Variants in PDXDC1 observed in about 807,000 individuals in gnomAD.
The protein encoded by PDXDC1 is pyridoxal dependent decarboxylase domain containing 1, also known as pyridoxal-dependent decarboxylase domain-containing protein 1.
In PDXDC1, 42 loss-of-function variants were observed where a neutral mutation model predicts 100.1. That is an observed-to-expected ratio of 0.42 (90% CI 0.33 to 0.54). PDXDC1 has a LOEUF of 0.54. PDXDC1 is among the 20% of genes least tolerant of loss of function. The probability of loss-of-function intolerance (pLI) is 0.10; values close to 1 mark genes in which losing one functional copy is unlikely to be tolerated. For synonymous variants in PDXDC1, 260 were observed against 371.7 expected (o/e 0.70, Z 3.46); for missense variants, 636 against 979.2 (o/e 0.65, Z 4.68).
chr16:15,033,395 C>G lies in PDXDC1; in HGVS notation c.1808C>G (p.Ser603Trp). The change falls in exon 19 of 23, where the codon TCG becomes TGG. Residue 603 changes from serine (S) to tryptophan (W), a missense_variant. Around this residue, in one of 4 missense-constraint regions of PDXDC1, gnomAD observed 452 missense variants for 402.9 expected, o/e 1.12. Transcript: ENST00000396410. ...ACAGCCCGGGAGATAGAGGAGAACT[C>G]GAGGGTCCGTAGCACCCATCAGTGT... ...AATAREIEEN[S>W]RLLENMTEVV... The G allele has an allele frequency of 9.3e-6, 15 of 1,614,006 alleles. No individual in the cohort carries two copies. Among genetic ancestry groups the G allele is most frequent in the Non-Finnish European group, 1.3e-5 (15 of 1,179,938 alleles).
chr16:15,006,145 C>T (rs1261683513), intron 5 of PDXDC1, among the ~76,000 whole-genome samples: 2 of 152,286 alleles, frequency 1.3e-5, no homozygotes, highest in Non-Finnish European at 2.9e-5. Flanking sequence ...CTGGTCTCTA[C>T]TTGTTTTCAT....
rs879779047 is a variant in PDXDC1 at position 15,135,568 on chromosome 16, C to A, written c.1400-3311C>A. 1,948 of 1,157,224 alleles carry A rather than the reference C, an allele frequency of 1.7e-3. 4 individuals carry two copies. The highest frequency in any genetic ancestry group is 2.3e-3 in the Non-Finnish European group (1,830 of 780,802). 71.7% of individuals were successfully genotyped at this position (1,157,224 alleles called of 1,614,324 possible). ...ACCAGGCACTGAGGACGGGCCAGCC[C>A]TGGTGGCAAGCTGGGTGTTCTCTGG... On this transcript the variant is annotated intron_variant, in intron 16 of 16. Coordinates refer to the PDXDC1 transcript ENST00000535621.
chr16:15,065,443 GTGTGACAAC>G (rs1321209808), intron 16 of PDXDC1: 1 of 1,330,892 alleles, frequency 7.5e-7, no homozygotes, highest in Non-Finnish European at 1.1e-6. Flanking sequence ...TGTGAGCTGC[GTGTGACAAC>G]TGTACCTACC....
chr16:15,081,677 T>G (rs1357467907), intron 16 of PDXDC1, among the ~76,000 whole-genome samples: 1 of 152,250 alleles, frequency 6.6e-6, no homozygotes, highest in Non-Finnish European at 1.5e-5. Context: ...ACGTTTAATT[T>G]TGAAGTACAA....
chr16:15,081,592 A>T (rs2045705441), intron 16 of PDXDC1, among the ~76,000 whole-genome samples: 1 of 152,192 alleles, frequency 6.6e-6, no homozygotes, highest in Non-Finnish European at 1.5e-5. Context: ...TACCAGACAT[A>T]AAATTTAGAA....
chr16:15,062,624 A>T (rs925503945), intron 16 of PDXDC1, among the ~76,000 whole-genome samples: 2 of 152,198 alleles, frequency 1.3e-5, no homozygotes, highest in African/African-American at 4.8e-5. Flanking sequence ...TATAAAACTA[A>T]TGTAAACTGC....
At chr16:15,079,176 G>A (rs2045594616) in intron 16 of PDXDC1, among the ~76,000 whole-genome samples, 1 of 143,216 alleles carries the variant, frequency 7.0e-6, no homozygotes, top group South Asian at 2.3e-4. Flanking sequence ...GAGCAAAGTT[G>A]AAGGATTCCT....
At chr16:15,010,797 A>G (rs964633334) in intron 8 of PDXDC1, among the ~76,000 whole-genome samples, 3 of 152,300 alleles carry the variant, frequency 2.0e-5, no homozygotes. Flanking sequence ...TTTACATACT[A>G]GCAAAGAAGA....
rs933840152 is a variant in PDXDC1 at position 15,032,732 on chromosome 16, A to C, written c.1572-129A>C. 2.8e-5 allele frequency: 18 copies of C among 639,234 alleles called. No individual in the cohort carries two copies. The South Asian group carries it at 3.4e-4, about 12-fold the overall frequency. 39.6% of individuals were successfully genotyped at this position (639,234 alleles called of 1,614,324 possible). On this transcript the variant is annotated intron_variant, in intron 17 of 22. Transcript: ENST00000396410. Reference sequence around the variant, plus strand: ...TCCAGAAAGTTTGTGGTCTGGAGACACTCGCAGTAGCTCTTTTGCCCACTG... The same window carrying C: ...TCCAGAAAGTTTGTGGTCTGGAGACCCTCGCAGTAGCTCTTTTGCCCACTG...
intron 16 of PDXDC1, among the ~76,000 whole-genome samples, chr16:15,054,361 A>C (rs184416222): frequency 1.2e-4 from 19 of 152,314 alleles, no homozygotes; most frequent in African/African-American, 3.4e-4. Flanking sequence ...TATGTCACCA[A>C]ATCTCCCTCC....
chr16:15,099,191 G>A (rs1442622437), intron 16 of PDXDC1, among the ~76,000 whole-genome samples: 2 of 152,122 alleles, frequency 1.3e-5, no homozygotes, highest in Non-Finnish European at 2.9e-5. Context: ...GGGAGGCTGA[G>A]GCAGGTGGCT....
Position 15,124,465 on chromosome 16 carries a change from G to A in PDXDC1, c.1400-14414G>A, listed in dbSNP as rs962343481. Among the ~76,000 whole-genome samples the A allele has an allele frequency of 1.2e-4, 19 of 152,136 alleles. 1 individual carries two copies. The East Asian group carries it at 1.9e-3, about 15-fold the overall frequency. Reference sequence around the variant, plus strand: ...ACCATAAATAGAAAAACAACCCTAAGAAACAAGCAAAACAAAAACAAAACA... The same window carrying A: ...ACCATAAATAGAAAAACAACCCTAAAAAACAAGCAAAACAAAAACAAAACA... On this transcript the variant is annotated intron_variant, in intron 16 of 16. Coordinates refer to the PDXDC1 transcript ENST00000535621.
intron 16 of PDXDC1, chr16:15,132,804 T>A (rs1265386999): frequency 9.9e-6 from 13 of 1,309,356 alleles, no homozygotes; most frequent in Non-Finnish European, 1.4e-5. Context: ...TCCGTGATGT[T>A]CTTGCGTATC....
At chr16:15,134,089 G>C (rs1339482497) in intron 16 of PDXDC1, 1 of 1,564,852 alleles carries the variant, frequency 6.4e-7, no homozygotes, top group Non-Finnish European at 8.6e-7. Context: ...AGGCAGAAGG[G>C]GTGGTGAGGG....
At chr16:14,979,636 A>T (rs575760456) in intron 1 of PDXDC1, among the ~76,000 whole-genome samples, 2 of 152,386 alleles carry the variant, frequency 1.3e-5, no homozygotes, top group East Asian at 3.9e-4. Flanking sequence ...GGCAACTTTG[A>T]CCCTGTTTCT....
intron 16 of PDXDC1, chr16:15,085,660 C>T (rs1354547008): frequency 1.1e-5 from 17 of 1,613,602 alleles, no homozygotes; most frequent in Non-Finnish European, 1.4e-5. Flanking sequence ...TCATCAGAAT[C>T]TGAAACATCT....
intron 16 of PDXDC1, among the ~76,000 whole-genome samples, chr16:15,102,009 T>G (rs1482778229): frequency 4.6e-5 from 7 of 152,032 alleles, no homozygotes; most frequent in Admixed American, 2.6e-4. Flanking sequence ...CCACCATGCC[T>G]GGCTAATTTT....
intron 14 of PDXDC1, among the ~76,000 whole-genome samples, chr16:15,027,330 C>T (rs2042687241): frequency 1.3e-5 from 2 of 152,272 alleles, no homozygotes; most frequent in Non-Finnish European, 2.9e-5. Context: ...CTGTGGGGCT[C>T]CGACCCCATG....
At chr16:15,122,823 G>GGGGGAGGGCAA (rs2047492929) in intron 16 of PDXDC1, among the ~76,000 whole-genome samples, 1 of 36,948 alleles carries the variant, frequency 2.7e-5, no homozygotes, top group Non-Finnish European at 7.2e-5. Flanking sequence ...GAGTTGGGGA[G>GGGGGAGGGCAA]GGGGAGGGGA....
Sources: gnomAD v4.1 joint callset for allele counts (sites outside exome capture counted in the v4.1 genomes callset) on GRCh38, gnomAD v4.1.1 for gene constraint, gnomAD v4.1.1 regional missense constraint, MANE v1.5 for transcripts, NCBI Gene and HGNC (gene_info 2026-07-23, HGNC 2026-07-21) for gene names.